The following UBE3D variants were observed in gnomAD, a reference collection of about 807,000 sequenced individuals.
The protein encoded by UBE3D is E3 ubiquitin-protein ligase E3D.
A neutral mutation model predicts 49.6 loss-of-function variants in UBE3D; 48 were observed. That is an observed-to-expected ratio of 0.97 (90% CI 0.77 to 1.23). UBE3D has a LOEUF of 1.23. UBE3D is among the 50% of genes most tolerant of loss of function. The probability of loss-of-function intolerance (pLI) is 0.00; values close to 1 mark genes in which losing one functional copy is unlikely to be tolerated. For missense variants in UBE3D, 452 were observed against 468.4 expected (o/e 0.96, Z 0.32); for synonymous variants, 189 against 174.2 (o/e 1.08, Z -0.67).
chr6:82,986,117 A>G (rs1483753674), intron 8 of UBE3D, among the ~76,000 whole-genome samples: 1 of 152,180 alleles, frequency 6.6e-6, no homozygotes, highest in African/African-American at 2.4e-5. Flanking sequence ...GGTATAACTG[A>G]CATTTTAATG....
chr6:82,927,213 C>CTT (rs34600480), intron 9 of UBE3D, among the ~76,000 whole-genome samples: 1,754 of 144,084 alleles, frequency 0.012, 19 homozygotes, highest in South Asian at 0.041. Context: ...ATCTATTTGT[C>CTT]TTTTTTTTTT....
At chr6:83,025,855 C>G (rs1781418953) in intron 5 of UBE3D, among the ~76,000 whole-genome samples, 1 of 142,164 alleles carries the variant, frequency 7.0e-6, no homozygotes, top group Admixed American at 7.5e-5. Flanking sequence ...TGCACTCCAG[C>G]CTGGGCGACA....
intron 8 of UBE3D, among the ~76,000 whole-genome samples, chr6:82,965,785 G>A (rs1776874677): frequency 6.6e-6 from 1 of 152,074 alleles, no homozygotes; most frequent in African/African-American, 2.4e-5. Context: ...AGAGAGAAAA[G>A]TGTAATGAAC....
chr6:83,028,498 T>G (rs1413560847), intron 5 of UBE3D, among the ~76,000 whole-genome samples: 1 of 152,176 alleles, frequency 6.6e-6, no homozygotes, highest in Non-Finnish European at 1.5e-5. Flanking sequence ...TATTTCCAAT[T>G]CACCCTCACT....
intron 1 of UBE3D, among the ~76,000 whole-genome samples, chr6:83,059,548 A>G (rs559904399): frequency 2.6e-5 from 4 of 152,370 alleles, no homozygotes; most frequent in African/African-American, 9.6e-5. Context: ...TAGACTGTGT[A>G]GAGTTGACAC....
intron 9 of UBE3D, among the ~76,000 whole-genome samples, chr6:82,904,016 G>A (rs1057440323): frequency 6.6e-6 from 1 of 152,128 alleles, no homozygotes; most frequent in Non-Finnish European, 1.5e-5. Flanking sequence ...ACCAGAAAAA[G>A]ACTCTCAGCA....
At chr6:82,883,850 A>G in the UBE3D span, among the ~76,000 whole-genome samples, 1 of 151,894 alleles carries the variant, frequency 6.6e-6, no homozygotes, top group African/African-American at 2.4e-5. Context: ...TAGAATAGGC[A>G]AAAAAAAGTA....
rs191075160 is a variant in UBE3D, at chr6:82,912,577, G to A, written c.1150-19535C>T. 4.1e-4 allele frequency among the ~76,000 whole-genome samples: 62 copies of A among 152,010 alleles called. 1 individual carries two copies. In the East Asian group the frequency reaches 8.5e-3, roughly 21 times the overall value. On this transcript the variant is annotated intron_variant, in intron 9 of 9. Coordinates refer to ENST00000369747, the MANE Select transcript of UBE3D (RefSeq NM_198920.3). ...AACTACACAGAAGGATTTGGGAAGC[G>A]GAATATAAAAGACCTATCAAGAGCT...
At chr6:83,057,622 AGAAG>A (rs901094515) in intron 2 of UBE3D, among the ~76,000 whole-genome samples, 200 bp downstream of exon 2, 14 of 152,206 alleles carry the variant, frequency 9.2e-5, no homozygotes, top group African/African-American at 3.1e-4. Flanking sequence ...TGGAAAAGAA[AGAAG>A]GAAGGGAGGG....
intron 9 of UBE3D, among the ~76,000 whole-genome samples, chr6:82,940,641 G>A (rs1182774954): frequency 6.6e-6 from 1 of 152,104 alleles, no homozygotes; most frequent in African/African-American, 2.4e-5. Flanking sequence ...GACTACATCT[G>A]CAGAAGCCCT....
chr6:83,019,659 T>A (rs534199535), intron 7 of UBE3D, among the ~76,000 whole-genome samples: 25 of 152,286 alleles, frequency 1.6e-4, no homozygotes, highest in African/African-American at 5.3e-4. Flanking sequence ...TGCATGTGAT[T>A]CACTGAGGGA....
chr6:82,948,365 A>T (rs1016620326), intron 9 of UBE3D, among the ~76,000 whole-genome samples: 5 of 151,886 alleles, frequency 3.3e-5, no homozygotes, highest in African/African-American at 1.2e-4. Flanking sequence ...GATGGAAGCC[A>T]TAATACAAAG....
chr6:83,065,031 T>C (rs1784406195), intron 1 of UBE3D, among the ~76,000 whole-genome samples: 1 of 152,226 alleles, frequency 6.6e-6, no homozygotes, highest in East Asian at 1.9e-4. Flanking sequence ...AAAAGTTATT[T>C]GTGTAGCGAA....
chr6:82,933,615 T>C (rs1427285277), intron 9 of UBE3D, among the ~76,000 whole-genome samples: 1 of 152,202 alleles, frequency 6.6e-6, no homozygotes, highest in Non-Finnish European at 1.5e-5. Flanking sequence ...TTACATTAAC[T>C]ATACAAATGG....
chr6:82,991,403 G>C (rs2127732397), intron 8 of UBE3D, among the ~76,000 whole-genome samples: 1 of 152,232 alleles, frequency 6.6e-6, no homozygotes, highest in Middle Eastern at 3.4e-3. Context: ...ACTGTTCCTA[G>C]CACCATAATT....
intron 5 of UBE3D, among the ~76,000 whole-genome samples, chr6:83,034,465 A>G (rs191800983): frequency 6.6e-6 from 1 of 151,914 alleles, no homozygotes. Flanking sequence ...CTGTCGTCAC[A>G]TGTTGATCTA....
chr6:82,974,196 T>C (rs1777549369), intron 8 of UBE3D, among the ~76,000 whole-genome samples: 1 of 152,218 alleles, frequency 6.6e-6, no homozygotes, highest in African/African-American at 2.4e-5. Context: ...AAATGTAATG[T>C]GTACGAATCA....
At chr6:82,930,598 T>C (rs1353446661) in intron 9 of UBE3D, among the ~76,000 whole-genome samples, 1 of 152,122 alleles carries the variant, frequency 6.6e-6, no homozygotes, top group East Asian at 1.9e-4. Flanking sequence ...GCTGAGGTGG[T>C]CTCAGATGAA....
At chr6:83,013,596 C>G (rs894352922) in intron 8 of UBE3D, among the ~76,000 whole-genome samples, 3 of 152,128 alleles carry the variant, frequency 2.0e-5, no homozygotes, top group African/African-American at 7.2e-5. Flanking sequence ...GGATGTGTTG[C>G]CTCCAAAATC....
Sources: gnomAD v4.1 joint callset for allele counts (sites outside exome capture counted in the v4.1 genomes callset) on GRCh38, gnomAD v4.1.1 for gene constraint, MANE v1.5 for transcripts, NCBI Gene and HGNC (gene_info 2026-07-23, HGNC 2026-07-21) for gene names.